XPO4: variants seen among roughly 807,000 people sequenced by gnomAD.
XPO4 encodes exportin 4.
Under a neutral mutation model 143.0 loss-of-function variants are expected in XPO4, and 39 were observed. That is an observed-to-expected ratio of 0.27 (90% confidence interval 0.21 to 0.36). The LOEUF (loss-of-function observed/expected upper bound fraction) is 0.36, where lower values mean the gene tolerates loss of function less well. Among genes scored for constraint, XPO4 ranks in the 10% least tolerant of loss-of-function variants. XPO4 has a pLI of 1.00. For synonymous variants in XPO4, 439 were observed against 474.0 expected (o/e 0.93, Z 0.96); for missense variants, 907 against 1,348.0 (o/e 0.67, Z 5.12).
At chr13:20,795,296 G>GA (rs2059342813) in intron 18 of XPO4, among the ~76,000 whole-genome samples, 1 of 152,292 alleles carries the variant, frequency 6.6e-6, no homozygotes, top group Non-Finnish European at 1.5e-5. Context: ...CTACAGCACT[G>GA]AAAACTATAC....
In XPO4 at chr13:20,795,984, C is replaced by G. The variant is rs1403975139; in HGVS notation, c.2797+92G>C. ...TTCATTTATTCCATAAATTGAATTTCCTCATGAGATGTCTCTTACAGAAAA... is the reference window on the plus strand; with the variant it reads ...TTCATTTATTCCATAAATTGAATTTGCTCATGAGATGTCTCTTACAGAAAA... On this transcript the variant is annotated intron_variant, in intron 18 of 22. Transcript: ENST00000255305. The G allele has an allele frequency of 3.1e-6, 4 of 1,304,018 alleles. No homozygotes were observed. In the African/African-American group the frequency reaches 5.9e-5, roughly 19 times the overall value. The allele number at this position is 1,304,018 out of a possible 1,614,324, so 80.8% of individuals were successfully genotyped here. A position where few individuals can be genotyped will look rare whatever the true frequency, so the allele number is the denominator to read the frequency against.
chr13:20,816,530 C>G (rs545333090), intron 9 of XPO4, among the ~76,000 whole-genome samples: 73 of 152,216 alleles, frequency 4.8e-4, no homozygotes, highest in African/African-American at 1.4e-3. Flanking sequence ...CTGGAATCCC[C>G]CAAGAGAAAT....
chr13:20,784,465 G>A (rs2059175986), intron 22 of XPO4, among the ~76,000 whole-genome samples: 1 of 152,184 alleles, frequency 6.6e-6, no homozygotes, highest in South Asian at 2.1e-4. Flanking sequence ...AGGGCACTCT[G>A]AAAGCTCCAA....
At position 20,813,006 on chromosome 13, in the gene XPO4, C is replaced by CCG. The variant is rs2059602862; in HGVS notation, c.1174-3041_1174-3040dup. Among the ~76,000 whole-genome samples, 4 of 152,296 alleles carry CCG rather than the reference C, an allele frequency of 2.6e-5. No individual in the cohort carries two copies. The South Asian group carries it at 8.3e-4, about 32-fold the overall frequency. On this transcript the variant is annotated intron_variant, in intron 9 of 22. Transcript: ENST00000255305. ...AAAGAGGTTTAATTGACTCACAGTT[C>CCG]CGCAGGCTTAACAGGAAGGATGACT... is the stretch of plus-strand genomic sequence containing the variant.
At chr13:20,786,642 T>C (rs1285688991) in intron 22 of XPO4, among the ~76,000 whole-genome samples, 6 of 151,000 alleles carry the variant, frequency 4.0e-5, no homozygotes, top group Non-Finnish European at 8.8e-5. Flanking sequence ...AAACCATGAG[T>C]TCTTCACACA....
intron 11 of XPO4, 30 bp downstream of exon 11, chr13:20,809,053 C>G: frequency 6.2e-7 from 1 of 1,601,768 alleles, no homozygotes; most frequent in Non-Finnish European, 8.5e-7. Flanking sequence ...AGAATATTTG[C>G]TCCATGGGGT....
intron 5 of XPO4, among the ~76,000 whole-genome samples, chr13:20,843,515 T>C (rs1398264840): frequency 6.6e-6 from 1 of 150,610 alleles, no homozygotes; most frequent in Non-Finnish European, 1.5e-5. Flanking sequence ...CTAAACACAA[T>C]AAGAAATAAA....
chr13:20,892,692 T>C (rs550326536), intron 1 of XPO4, among the ~76,000 whole-genome samples: 1 of 152,130 alleles, frequency 6.6e-6, no homozygotes, highest in South Asian at 2.1e-4. Flanking sequence ...GAGACCACCC[T>C]GGGCAATACA....
intron 1 of XPO4, among the ~76,000 whole-genome samples, chr13:20,890,795 C>A (rs1327326218): frequency 9.7e-6 from 1 of 102,566 alleles, no homozygotes; most frequent in African/African-American, 3.6e-5. Flanking sequence ...TGAGACCCTG[C>A]CTCAAAAAAA....
intron 1 of XPO4, among the ~76,000 whole-genome samples, chr13:20,882,886 CAAA>C (rs546935402): frequency 2.5e-5 from 3 of 119,154 alleles, no homozygotes; most frequent in Admixed American, 8.7e-5. Flanking sequence ...AACTCAGTCT[CAAA>C]AAAAAAAAAA....
intron 3 of XPO4, among the ~76,000 whole-genome samples, chr13:20,861,457 G>A (rs367690317): frequency 2.0e-5 from 3 of 151,528 alleles, no homozygotes; most frequent in Non-Finnish European, 2.9e-5. Flanking sequence ...TACCACGCCC[G>A]ACTAATTTTT....
Position 20,790,600 on chromosome 13 carries a change from C to A in XPO4, c.2798-20G>T, listed in dbSNP as rs202023690. ...CTTCATCTATTAAAATAAAAGGATG[C>A]AGGCTTATGGTGGTAACATCAATAA... On this transcript the variant is annotated intron_variant, in intron 18 of 22. Transcript: ENST00000255305. The A allele has an allele frequency of 1.9e-4, 302 of 1,585,994 alleles. 5 individuals are homozygous for A. In the South Asian group the frequency reaches 3.1e-3, roughly 16 times the overall value.
rs202232522 is a variant in XPO4 at position 20,880,139 on chromosome 13, A to C, written c.70-11438T>G. On this transcript the variant is annotated intron_variant, in intron 1 of 22. Coordinates refer to ENST00000255305, the MANE Select transcript of XPO4 (RefSeq NM_022459.5). Reference sequence around the variant, plus strand: ...TAGAAATGGTACAGCCAAACAAAAAAAGGAACAGCCACAGACGGGCGCGGT... The same window carrying C: ...TAGAAATGGTACAGCCAAACAAAAACAGGAACAGCCACAGACGGGCGCGGT... Among the ~76,000 whole-genome samples the C allele has an allele frequency of 4.6e-5, 7 of 152,234 alleles. No homozygotes were observed. The East Asian group carries it at 9.6e-4, about 21-fold the overall frequency.
chr13:20,852,445 C>T (rs1197515070), intron 4 of XPO4: 15 of 985,262 alleles, frequency 1.5e-5, no homozygotes, highest in Non-Finnish European at 1.8e-5. Flanking sequence ...TGATGACCAA[C>T]ATTGGATAAT....
intron 1 of XPO4, among the ~76,000 whole-genome samples, chr13:20,887,177 C>T (rs2060468911): frequency 6.6e-6 from 1 of 152,168 alleles, no homozygotes; most frequent in African/African-American, 2.4e-5. Context: ...ACAGGAAACA[C>T]TCCTTACGCC....
At chr13:20,883,204 A>G (rs1257709292) in intron 1 of XPO4, among the ~76,000 whole-genome samples, 4 of 152,212 alleles carry the variant, frequency 2.6e-5, no homozygotes, top group Non-Finnish European at 4.4e-5. Context: ...ACTCTCTTCA[A>G]TTACACCTTT....
Position 20,822,149 on chromosome 13 carries a change from T to C in XPO4, c.981A>G (p.Leu327=), listed in dbSNP as rs1209004056. The change falls in exon 8 of 23, where the codon TTA becomes TTG. Residue 327 remains leucine (L), a synonymous_variant. Coordinates refer to ENST00000255305, the MANE Select transcript of XPO4 (RefSeq NM_022459.5). The stretch of plus-strand genomic sequence containing the variant: ...ATACCTACCCATTGATAGTATTCAG[T>C]AATCCCTCAATGAAGTGTGCTAGAT... ...VDYLAHFIEG[L]LNTINGIEIE... 2.5e-6 allele frequency: 4 copies of C among 1,612,930 alleles called. No individual in the cohort carries two copies. Among genetic ancestry groups the C allele is most frequent in the Admixed American group, 1.7e-5 (1 of 59,920 alleles).
At chr13:20,801,050 A>T in intron 13 of XPO4, 60 bp from the exon 14 acceptor site, 3 of 1,577,158 alleles carry the variant, frequency 1.9e-6, no homozygotes, top group Non-Finnish European at 2.6e-6. Context: ...GTCTAATCAT[A>T]TTTTTTTCCT....
chr13:20,890,046 C>G (rs954257968), intron 1 of XPO4, among the ~76,000 whole-genome samples: 10 of 152,172 alleles, frequency 6.6e-5, no homozygotes, highest in African/African-American at 2.4e-4. Flanking sequence ...AATAAGAAGA[C>G]AGAAACCTGT....
Sources: allele counts gnomAD v4.1 joint callset (sites outside exome capture counted in the v4.1 genomes callset), GRCh38; gene constraint gnomAD v4.1.1; transcripts MANE v1.5; gene names NCBI Gene and HGNC (gene_info 2026-07-23, HGNC 2026-07-21).